Variants in ZBED5 observed in about 807,000 individuals in gnomAD.
The protein encoded by ZBED5 is zinc finger BED-type containing 5.
ZBED5 carries 29 observed loss-of-function variants against 49.2 expected under a neutral mutation model. The ratio of observed to expected loss-of-function variants is 0.59; its 90% CI spans 0.44 to 0.80. The LOEUF (loss-of-function observed/expected upper bound fraction) is 0.80, where lower values mean the gene tolerates loss of function less well. ZBED5 is among the 30% of genes least tolerant of loss of function. The pLI is 0.00. For synonymous variants in ZBED5, 281 were observed against 292.5 expected, an observed-to-expected ratio of 0.96 and a Z score of 0.40; for missense variants, 775 against 812.9, an observed-to-expected ratio of 0.95 and a Z score of 0.57.
rs1464862670 is a variant in ZBED5, at chr11:10,852,770, T to C, written c.*94A>G. ...AATAGTATAAAAAAATGGAATCATT[T>C]TATTTAAATCCCCCAAATACCAGAG... On this transcript the variant is annotated 3_prime_UTR_variant, in exon 3 of 3. Coordinates refer to ENST00000413761, the MANE Select transcript of ZBED5 (RefSeq NM_001143667.2). 6 of 1,406,386 alleles carry C rather than the reference T, an allele frequency of 4.3e-6. No individual in the cohort carries two copies. Among genetic ancestry groups the C allele is most frequent in the African/African-American group, 2.9e-5 (2 of 69,362 alleles). 87.1% of individuals were successfully genotyped at this position (1,406,386 alleles called of 1,614,324 possible).
Position 10,854,029 on chromosome 11 carries a change from A to G in ZBED5, c.917T>C (p.Leu306Pro). 1 of 1,551,516 alleles carries G rather than the reference A, an allele frequency of 6.4e-7. No homozygotes were observed. Among genetic ancestry groups the G allele is most frequent in the Non-Finnish European group, 8.7e-7 (1 of 1,146,922 alleles). Residue 306 changes from leucine (L) to proline (P), a missense_variant, in exon 3 of 3, where the codon CTC becomes CCC. Transcript: ENST00000413761. This position sits in a 1 kb window ranked among gnomAD's most constrained non-coding sequence, Gnocchi z 5.0. ...ATTACTTTGCAAAGATTCACACAGG[A>G]GTAGGTCTTCCTCAATAGACTTATT... ...RFNKSIEEDL[L>P]LCESLQSNAT...
In ZBED5 at chr11:10,856,159, C is replaced by T. The variant is rs923266761; in HGVS notation, c.-157G>A. On this transcript the variant is annotated 5_prime_UTR_variant, in exon 2 of 3. Transcript: ENST00000413761. ...GATAAGATACCTGAAATAAGGTGTT[C>T]TCCTTTCTGTAATCCCTCTCTCCAC... The T allele has an allele frequency of 2.6e-5, 4 of 152,106 alleles. No homozygotes were observed. Among genetic ancestry groups the T allele is most frequent in the African/African-American group, 9.7e-5 (4 of 41,408 alleles). The allele number at this position is 152,106 out of a possible 1,614,324, so 9.4% of individuals were successfully genotyped here. A position where few individuals can be genotyped will look rare whatever the true frequency, so the allele number is the denominator to read the frequency against.
In ZBED5 at chr11:10,852,752, TA is replaced by T. The variant is rs954669212; in HGVS notation, c.*111del. On this transcript the variant is annotated 3_prime_UTR_variant, in exon 3 of 3. Coordinates refer to ENST00000413761, the MANE Select transcript of ZBED5 (RefSeq NM_001143667.2). ...TAGCCTTCTTAAAATCTAAATAGTA[TA>T]AAAAAATGGAATCATTTTATTTAAA... is the stretch of plus-strand genomic sequence containing the variant. 7 of 1,395,820 alleles carry T rather than the reference TA, an allele frequency of 5.0e-6. No homozygotes were observed. Among genetic ancestry groups the T allele is most frequent in the South Asian group, 3.4e-5 (2 of 58,156 alleles). The allele number at this position is 1,395,820 out of a possible 1,614,324, so 86.5% of individuals were successfully genotyped here.
Position 10,853,237 on chromosome 11 carries a change from T to C in ZBED5, c.1709A>G (p.Asn570Ser), listed in dbSNP as rs539432603. The C allele has an allele frequency of 2.1e-5, 33 of 1,551,556 alleles. No homozygotes were observed. The highest frequency in any genetic ancestry group is 1.4e-4 in the Admixed American group (7 of 51,002). ...AAATGGATTTCTAACCCAAGCATTA[T>C]TGTCATTTGTTACAGGAAAGTATTT... is the stretch of plus-strand genomic sequence containing the variant. ...LLKYFPVTNDNNAWVRNPFTV... is the reference protein window; with the variant it reads ...LLKYFPVTNDSNAWVRNPFTV... Residue 570 changes from asparagine (N) to serine (S), a missense_variant, in exon 3 of 3, where the codon AAT (asparagine) becomes AGT (serine). Asn to Ser is a conservative substitution (Grantham distance 46). Transcript: ENST00000413761. This position sits in a 1 kb window ranked among gnomAD's most constrained non-coding sequence, Gnocchi z 5.4.
At position 10,854,937 on chromosome 11, in the gene ZBED5, A is replaced by T; in HGVS notation, c.9T>A (p.Ala3=). 6.5e-7 allele frequency: 1 copy of T among 1,548,724 alleles called. No homozygotes were observed. Among genetic ancestry groups the T allele is most frequent in the Non-Finnish European group, 8.7e-7 (1 of 1,144,854 alleles). Residue 3 remains alanine (A), a synonymous_variant, in exon 3 of 3, where the codon GCT becomes GCA. Coordinates refer to ENST00000413761, the MANE Select transcript of ZBED5 (RefSeq NM_001143667.2). The surrounding 1 kb of genome is among the most constrained non-coding windows in gnomAD (Gnocchi z 5.0). The stretch of plus-strand genomic sequence containing the variant: ...TATAAGACAGGATACAAAGAAGAGG[A>T]GCAATCATCAAAGAGATGATATACA... MI[A]PLLCILSYNF...
Position 10,854,233 on chromosome 11 carries a change from ATT to A in ZBED5, c.711_712del (p.Lys237AsnfsTer16). 6.4e-7 allele frequency: 1 copy of A among 1,550,724 alleles called. No individual in the cohort carries two copies. The highest frequency in any genetic ancestry group is 8.7e-7 in the Non-Finnish European group (1 of 1,146,492). On this transcript the variant is annotated frameshift_variant, in exon 3 of 3. Coordinates refer to ENST00000413761, the MANE Select transcript of ZBED5 (RefSeq NM_001143667.2). LOFTEE classifies it high-confidence loss of function. The surrounding 1 kb of genome is among the most constrained non-coding windows in gnomAD (Gnocchi z 5.0). ...ACTGTTTGATAGCTGTACTGCATCTATTTTTTTACTATATTGTTCATCAAACA... is the reference window on the plus strand; with the variant it reads ...ACTGTTTGATAGCTGTACTGCATCTATTTTTACTATATTGTTCATCAAACA...
At position 10,854,135 on chromosome 11, in the gene ZBED5, C is replaced by A; in HGVS notation, c.811G>T (p.Asp271Tyr). ...TCATCTAGTTGCAGTGAAAACCCAT[C>A]GCAAATTTTCAGTCTACAAACAAGC... ...EELVCRLKIC[D>Y]GFSLQLDESA... Residue 271 changes from aspartate (D) to tyrosine (Y), a missense_variant, in exon 3 of 3, where the codon GAT becomes TAT. By Grantham distance (160) the Asp-to-Tyr change is radical. Transcript: ENST00000413761. The surrounding 1 kb of genome is among the most constrained non-coding windows in gnomAD (Gnocchi z 5.0). 6.4e-7 allele frequency: 1 copy of A among 1,550,772 alleles called. No individual in the cohort carries two copies. The highest frequency in any genetic ancestry group is 8.7e-7 in the Non-Finnish European group (1 of 1,146,466).
Position 10,857,779 on chromosome 11 carries a change from C to T in ZBED5, c.-256+83G>A, listed in dbSNP as rs527704175. On this transcript the variant is annotated intron_variant, in intron 1 of 2. Transcript: ENST00000413761. The surrounding 1 kb of genome is among the most constrained non-coding windows in gnomAD (Gnocchi z 6.3). ...GCAGCGCCGCGGTCCACAGCAGAGC[C>T]CGCGACCGCCATCTTAGGCAGTTCC... 1 of 152,480 alleles carries T rather than the reference C, an allele frequency of 6.6e-6. No individual in the cohort carries two copies. The highest frequency in any genetic ancestry group is 6.5e-5 in the Admixed American group (1 of 15,310). The allele number at this position is 152,480 out of a possible 1,614,324, so 9.4% of individuals were successfully genotyped here. A position where few individuals can be genotyped will look rare whatever the true frequency, so the allele number is the denominator to read the frequency against.
At chr11:10,856,577 C>CTT (rs1299367211) in intron 1 of ZBED5, among the ~76,000 whole-genome samples, 5 of 152,298 alleles carry the variant, frequency 3.3e-5, no homozygotes, top group Admixed American at 6.5e-5. Flanking sequence ...ATCAATGTCT[C>CTT]TAAAACTAGG....
chr11:10,853,009 G>A lies in ZBED5; in HGVS notation c.1937C>T (p.Thr646Met), dbSNP rs1245259689. The change falls in exon 3 of 3, where the codon ACG (threonine) becomes ATG (methionine). Residue 646 changes from threonine (T) to methionine (M), a missense_variant. Physicochemically the swap from Thr to Met is moderately conservative, Grantham distance 81. Coordinates refer to ENST00000413761, the MANE Select transcript of ZBED5 (RefSeq NM_001143667.2). The surrounding 1 kb of genome is among the most constrained non-coding windows in gnomAD (Gnocchi z 5.4). ...LPFATMHLCE[T>M]GFSYYAATKT... ...TGTTGCAGCGTAATATGAAAACCCCGTTTCACACAGGTGCATTGTAGCAAA... is the reference window on the plus strand; with the variant it reads ...TGTTGCAGCGTAATATGAAAACCCCATTTCACACAGGTGCATTGTAGCAAA... 33 of 1,551,592 alleles carry A rather than the reference G, an allele frequency of 2.1e-5. No homozygotes were observed. The highest frequency in any genetic ancestry group is 4.8e-5 in the South Asian group (4 of 84,052).
chr11:10,855,239 TA>T lies in ZBED5; in HGVS notation c.-141-154del, dbSNP rs1337175332. On this transcript the variant is annotated intron_variant, in intron 2 of 2. Coordinates refer to ENST00000413761, the MANE Select transcript of ZBED5 (RefSeq NM_001143667.2). This position sits in a 1 kb window ranked among gnomAD's most constrained non-coding sequence, Gnocchi z 4.1. The stretch of plus-strand genomic sequence containing the variant: ...TCAAAACATTTATTAACTTAGAGAA[TA>T]TTAATATTCTATAAAACATAATTTG... The T allele has an allele frequency of 1.6e-5, 4 of 244,612 alleles. No individual in the cohort carries two copies. Among genetic ancestry groups the T allele is most frequent in the Non-Finnish European group, 3.3e-5 (4 of 121,244 alleles). The allele number at this position is 244,612 out of a possible 1,614,324, so 15.2% of individuals were successfully genotyped here. A position where few individuals can be genotyped will look rare whatever the true frequency, so the allele number is the denominator to read the frequency against.
Position 10,853,842 on chromosome 11 carries a change from G to A in ZBED5, c.1104C>T (p.Thr368=), listed in dbSNP as rs556289388. Residue 368 remains threonine (T), a synonymous_variant, in exon 3 of 3, where the codon ACC becomes ACT. Coordinates refer to ENST00000413761, the MANE Select transcript of ZBED5 (RefSeq NM_001143667.2). The surrounding 1 kb of genome is among the most constrained non-coding windows in gnomAD (Gnocchi z 5.4). ...TLIKYVAPES[T]SSHCLLYRHA... is the part of the protein sequence containing the mutation. ...GTCTGTATAATAGGCAGTGACTACT[G>A]GTGCTTTCGGGAGCCACATATTTTA... The A allele has an allele frequency of 6.4e-7, 1 of 1,551,470 alleles. No homozygotes were observed. The highest frequency in any genetic ancestry group is 2.4e-5 in the East Asian group (1 of 40,938).
In ZBED5 at chr11:10,853,069, C is replaced by T. The variant is rs207471649; in HGVS notation, c.1877G>A (p.Ser626Asn). The T allele has an allele frequency of 6.4e-7, 1 of 1,551,452 alleles. No homozygotes were observed. The highest frequency in any genetic ancestry group is 1.2e-5 in the South Asian group (1 of 84,064). ...TACACGCACTGCACGCCTTGCAATGCTTGGGTATTCCTGAATTAGGCTACT... is the reference window on the plus strand; with the variant it reads ...TACACGCACTGCACGCCTTGCAATGTTTGGGTATTCCTGAATTAGGCTACT... ...FWSSLIQEYP[S>N]IARRAVRVLL... The change falls in exon 3 of 3, where the codon AGC becomes AAC. Residue 626 changes from serine (S) to asparagine (N), a missense_variant. By Grantham distance (46) the Ser-to-Asn change is conservative. Coordinates refer to ENST00000413761, the MANE Select transcript of ZBED5 (RefSeq NM_001143667.2). The surrounding 1 kb of genome is among the most constrained non-coding windows in gnomAD (Gnocchi z 5.4).
Position 10,852,957 on chromosome 11 carries a change from A to G in ZBED5, c.1989T>C (p.Asp663=). ...GTCGGATTCGCATATGAGGTGCAGC[A>G]TCAAGTCTTTTCCTATATTTTGTTT... ...ATKTKYRKRL[D]AAPHMRIRLS... The change falls in exon 3 of 3, where the codon GAT becomes GAC. Residue 663 remains aspartate (D), a synonymous_variant. Transcript: ENST00000413761. The G allele has an allele frequency of 6.4e-7, 1 of 1,551,662 alleles. No individual in the cohort carries two copies. Among genetic ancestry groups the G allele is most frequent in the South Asian group, 1.2e-5 (1 of 84,064 alleles).
chr11:10,854,497 C>T lies in ZBED5; in HGVS notation c.449G>A (p.Arg150Gln), dbSNP rs1263188609. The change falls in exon 3 of 3, where the codon CGA becomes CAA. Residue 150 changes from arginine (R) to glutamine (Q), a missense_variant. Arg to Gln is a conservative substitution (Grantham distance 43, BLOSUM62 1). Coordinates refer to ENST00000413761, the MANE Select transcript of ZBED5 (RefSeq NM_001143667.2). This position sits in a 1 kb window ranked among gnomAD's most constrained non-coding sequence, Gnocchi z 5.0. Reference sequence around the variant, plus strand: ...AGCATGTTTAGTTTCCAAATGTCTTCGAAGCTTACTAGGGGCTAAAGAGCT... The same window carrying T: ...AGCATGTTTAGTTTCCAAATGTCTTTGAAGCTTACTAGGGGCTAAAGAGCT... Reference protein sequence around the residue: ...SNSSLAPSKLRRHLETKHAAY... With the variant: ...SNSSLAPSKLQRHLETKHAAY... The T allele has an allele frequency of 1.1e-5, 17 of 1,551,308 alleles. No homozygotes were observed. The highest frequency in any genetic ancestry group is 4.9e-5 in the East Asian group (2 of 40,924).
At position 10,855,359 on chromosome 11, in the gene ZBED5, CTTTTT is replaced by C. The variant is rs748522110; in HGVS notation, c.-141-278_-141-274del. ...ATGTCCCATGGCAGGGGTTGGCAGG[CTTTTT>C]TTGGTCAAGGGCCATATAGTCTCTG... On this transcript the variant is annotated intron_variant, in intron 2 of 2. Coordinates refer to ENST00000413761, the MANE Select transcript of ZBED5 (RefSeq NM_001143667.2). The surrounding 1 kb of genome is among the most constrained non-coding windows in gnomAD (Gnocchi z 4.1). Among the ~76,000 whole-genome samples the C allele has an allele frequency of 6.6e-6, 1 of 152,002 alleles. No individual in the cohort carries two copies. The highest frequency in any genetic ancestry group is 2.4e-5 in the African/African-American group (1 of 41,382).
rs982181622 is a variant in ZBED5 at position 10,853,683 on chromosome 11, A to C, written c.1263T>G (p.Ala421=). The C allele has an allele frequency of 1.9e-6, 3 of 1,551,554 alleles. No individual in the cohort carries two copies. The highest frequency in any genetic ancestry group is 1.7e-6 in the Non-Finnish European group (2 of 1,146,960). The change falls in exon 3 of 3, where the codon GCT becomes GCG. Residue 421 remains alanine, a synonymous_variant. Coordinates refer to ENST00000413761, the MANE Select transcript of ZBED5 (RefSeq NM_001143667.2). The surrounding 1 kb of genome is among the most constrained non-coding windows in gnomAD (Gnocchi z 5.4). ...LLKILCEEMG[A]QHTALLLNTE... The stretch of plus-strand genomic sequence containing the variant: ...TATTTAGAAGAAGTGCTGTGTGCTG[A>C]GCACCCATTTCCTCACATAAAATTT...
Position 10,853,913 on chromosome 11 carries a change from C to T in ZBED5, c.1033G>A (p.Ala345Thr), listed in dbSNP as rs1848139389. The T allele has an allele frequency of 6.4e-7, 1 of 1,551,452 alleles. No individual in the cohort carries two copies. The highest frequency in any genetic ancestry group is 1.2e-5 in the South Asian group (1 of 84,060). Residue 345 changes from alanine (A) to threonine (T), a missense_variant, in exon 3 of 3, where the codon GCT becomes ACT. Transcript: ENST00000413761. The surrounding 1 kb of genome is among the most constrained non-coding windows in gnomAD (Gnocchi z 5.4). ...WEKCVDVCSD[A>T]SRAVDGKIAE... ...ATTTTCCCATCCACTGCCCTAGAAG[C>T]ATCACTACAAACATCAACACATTTT...
chr11:10,855,670 C>T lies in ZBED5; in HGVS notation c.-142+474G>A, dbSNP rs978657724. 1.2e-4 allele frequency: 18 copies of T among 152,260 alleles called. No individual in the cohort carries two copies. The highest frequency in any genetic ancestry group is 3.3e-4 in the Admixed American group (5 of 15,284). 9.4% of individuals were successfully genotyped at this position (152,260 alleles called of 1,614,324 possible). A position where few individuals can be genotyped will look rare whatever the true frequency, so the allele number is the denominator to read the frequency against. On this transcript the variant is annotated intron_variant, in intron 2 of 2. Coordinates refer to ENST00000413761, the MANE Select transcript of ZBED5 (RefSeq NM_001143667.2). This position sits in a 1 kb window ranked among gnomAD's most constrained non-coding sequence, Gnocchi z 4.1. The stretch of plus-strand genomic sequence containing the variant: ...AAGTGAATTAAACACACACACAGTT[C>T]CAAGTTTTGCGAGATACATAATTCT...
Sources: allele counts gnomAD v4.1 joint callset (sites outside exome capture counted in the v4.1 genomes callset), GRCh38; gene constraint gnomAD v4.1.1; non-coding constraint Gnocchi (gnomAD v3.1); transcripts MANE v1.5; gene names NCBI Gene and HGNC (gene_info 2026-07-23, HGNC 2026-07-21).